Variants in HS3ST4 observed in about 807,000 individuals in gnomAD.
HS3ST4 encodes heparan sulfate glucosamine 3-O-sulfotransferase 4.
A neutral mutation model predicts 29.2 loss-of-function variants in HS3ST4; 17 were observed. That is an observed-to-expected ratio of 0.58 (90% CI 0.40 to 0.87). The LOEUF is 0.87. HS3ST4 is among the 40% of genes least tolerant of loss of function. The pLI is 0.00. For synonymous variants in HS3ST4, 314 were observed against 285.7 expected (o/e 1.10, Z -1.00); for missense variants, 627 against 634.5 (o/e 0.99, Z 0.13).
chr16:25,913,101 A>T (rs1413570433), intron 1 of HS3ST4, among the ~76,000 whole-genome samples: 2 of 152,180 alleles, frequency 1.3e-5, no homozygotes, highest in Admixed American at 6.5e-5. Flanking sequence ...TGGTGAGCGA[A>T]TGGAGCCTTG....
chr16:25,942,631 T>A (rs1490478095), intron 1 of HS3ST4, among the ~76,000 whole-genome samples: 1 of 151,992 alleles, frequency 6.6e-6, no homozygotes, highest in Non-Finnish European at 1.5e-5. Flanking sequence ...CTTTCCTTTT[T>A]TTTTAGAGGC....
At chr16:25,762,545 A>T (rs1314255308) in intron 1 of HS3ST4, among the ~76,000 whole-genome samples, 1 of 151,948 alleles carries the variant, frequency 6.6e-6, no homozygotes, top group Non-Finnish European at 1.5e-5. Context: ...AGCCAGGGGG[A>T]AGCTGACTGA....
chr16:25,825,153 G>T (rs149058740), intron 1 of HS3ST4, among the ~76,000 whole-genome samples: 1 of 152,310 alleles, frequency 6.6e-6, no homozygotes, highest in African/African-American at 2.4e-5. Flanking sequence ...AGCCGAGATT[G>T]CACTGATGCA....
At chr16:25,716,005 G>C (rs1486738769) in intron 1 of HS3ST4, among the ~76,000 whole-genome samples, 2 of 152,010 alleles carry the variant, frequency 1.3e-5, no homozygotes, top group Admixed American at 6.5e-5. Context: ...ATCCTGAGCA[G>C]GAGCAGAGCT....
At chr16:25,976,996 C>T (rs1460642863) in intron 1 of HS3ST4, among the ~76,000 whole-genome samples, 1 of 152,116 alleles carries the variant, frequency 6.6e-6, no homozygotes, top group Non-Finnish European at 1.5e-5. Context: ...CACCCTGAGT[C>T]CACAGGTAGG....
chr16:25,990,039 CT>C (rs1969100919), intron 1 of HS3ST4, among the ~76,000 whole-genome samples: 1 of 152,162 alleles, frequency 6.6e-6, no homozygotes, highest in South Asian at 2.1e-4. Context: ...GTATATAGCA[CT>C]TTCAGATTGG....
intron 1 of HS3ST4, among the ~76,000 whole-genome samples, chr16:25,822,542 T>G (rs1967170290): frequency 6.6e-6 from 1 of 152,156 alleles, no homozygotes; most frequent in Admixed American, 6.5e-5. Context: ...TTCCCAGTTG[T>G]GACAACCAGA....
At chr16:25,782,887 T>A (rs751560155) in intron 1 of HS3ST4, among the ~76,000 whole-genome samples, 1 of 152,206 alleles carries the variant, frequency 6.6e-6, no homozygotes, top group Non-Finnish European at 1.5e-5. Flanking sequence ...CTTAATAGTT[T>A]AAAAAATCCT....
chr16:26,112,254 G>GTA (rs1342971427), intron 1 of HS3ST4, among the ~76,000 whole-genome samples: 5 of 29,418 alleles, frequency 1.7e-4, no homozygotes, highest in Non-Finnish European at 4.1e-4. Flanking sequence ...GTGTGTATGT[G>GTA]TGTGTGTGTG....
intron 1 of HS3ST4, among the ~76,000 whole-genome samples, chr16:25,745,907 T>C (rs938613212): frequency 3.3e-5 from 5 of 152,250 alleles, no homozygotes; most frequent in Admixed American, 6.5e-5. Flanking sequence ...TGGGGCAGTT[T>C]GTCAGATGTT....
At chr16:26,119,733 A>G (rs1398892528) in intron 1 of HS3ST4, among the ~76,000 whole-genome samples, 1 of 152,046 alleles carries the variant, frequency 6.6e-6, no homozygotes, top group Non-Finnish European at 1.5e-5. Context: ...TCATTGAACA[A>G]ATATTTATCG....
intron 1 of HS3ST4, among the ~76,000 whole-genome samples, chr16:25,946,524 G>A (rs1165303678): frequency 6.6e-6 from 1 of 152,182 alleles, no homozygotes; most frequent in African/African-American, 2.4e-5. Flanking sequence ...TCACTCCACA[G>A]ATTTCACTGA....
At chr16:25,766,956 A>G (rs1242209259) in intron 1 of HS3ST4, among the ~76,000 whole-genome samples, 1 of 152,208 alleles carries the variant, frequency 6.6e-6, no homozygotes, top group Non-Finnish European at 1.5e-5. Flanking sequence ...CAAATCCTGC[A>G]TTCTTTTGAC....
intron 1 of HS3ST4, among the ~76,000 whole-genome samples, chr16:25,916,906 C>T (rs1318715036): frequency 6.6e-6 from 1 of 151,940 alleles, no homozygotes; most frequent in Non-Finnish European, 1.5e-5. Flanking sequence ...GTCTCGATCT[C>T]CTGACCTTGT....
chr16:26,034,485 T>C (rs1171144285), intron 1 of HS3ST4, among the ~76,000 whole-genome samples: 1 of 152,192 alleles, frequency 6.6e-6, no homozygotes, highest in Non-Finnish European at 1.5e-5. Flanking sequence ...ACAGAGAAAG[T>C]CGGCTTTCCC....
At chr16:25,947,915 CA>C (rs995962255) in intron 1 of HS3ST4, among the ~76,000 whole-genome samples, 149 of 149,828 alleles carry the variant, frequency 9.9e-4, no homozygotes, top group Middle Eastern at 3.4e-3. Context: ...ATGGTCTATG[CA>C]AAAAAAAAGA....
intron 1 of HS3ST4, among the ~76,000 whole-genome samples, chr16:25,986,144 A>G (rs1425199222): frequency 1.3e-5 from 2 of 152,068 alleles, no homozygotes; most frequent in Non-Finnish European, 2.9e-5. Context: ...GTCTCCTTCT[A>G]ATTTATTTTT....
chr16:26,025,359 G>C (rs114543669), intron 1 of HS3ST4: 1 of 154,244 alleles, frequency 6.5e-6, no homozygotes, highest in African/African-American at 2.4e-5. Flanking sequence ...ATCTATTACC[G>C]TTTCATTCGT....
chr16:25,773,577 T>C (rs11074721), intron 1 of HS3ST4, among the ~76,000 whole-genome samples: 104,441 of 152,110 alleles, frequency 0.69, 36,248 homozygotes, highest in Middle Eastern at 0.76. Context: ...TAGGAAGTTA[T>C]TTATCAATTT....
Sources: gnomAD v4.1 joint callset for allele counts (sites outside exome capture counted in the v4.1 genomes callset) on GRCh38, gnomAD v4.1.1 for gene constraint, MANE v1.5 for transcripts, NCBI Gene and HGNC (gene_info 2026-07-23, HGNC 2026-07-21) for gene names.